Variants in CIT observed in about 807,000 individuals in gnomAD.
The protein encoded by CIT is citron Rho-interacting kinase.
Under a neutral mutation model 272.7 loss-of-function variants are expected in CIT, and 79 were observed. That is an observed-to-expected ratio of 0.29 (90% CI 0.24 to 0.35). CIT has a LOEUF of 0.35. Ranked by LOEUF, CIT falls within the 10% of genes least tolerant of loss-of-function variation. The pLI, the probability that CIT is intolerant of heterozygous loss-of-function variation, is 1.00. For synonymous variants in CIT, 948 were observed against 995.6 expected, an observed-to-expected ratio of 0.95 and a Z score of 0.90; for missense variants, 1,909 against 2,618.3, an observed-to-expected ratio of 0.73 and a Z score of 5.91.
intron 47 of CIT, 127 bp from the exon 48 acceptor site, chr12:119,688,382 G>A: frequency 2.2e-6 from 2 of 922,890 alleles, no homozygotes; most frequent in Non-Finnish European, 3.5e-6. Flanking sequence ...GTGAGTGCTT[G>A]GCAGGGCAGC....
At chr12:119,739,640 G>A (rs943190018) in intron 24 of CIT, among the ~76,000 whole-genome samples, 4 of 152,140 alleles carry the variant, frequency 2.6e-5, no homozygotes, top group Non-Finnish European at 5.9e-5. Context: ...CCAAACAAAA[G>A]ATTATATTAT....
chr12:119,791,524 C>T (rs1484653039), intron 10 of CIT, among the ~76,000 whole-genome samples: 4 of 152,124 alleles, frequency 2.6e-5, no homozygotes, highest in African/African-American at 9.7e-5. Context: ...CTGGGCTCGA[C>T]GAGATGCAGT....
In CIT at chr12:119,857,427, G is replaced by A. The variant is rs567227607; in HGVS notation, c.414+96C>T. The A allele has an allele frequency of 2.3e-4, 282 of 1,249,464 alleles. 1 individual carries two copies. Among genetic ancestry groups the A allele is most frequent in the Non-Finnish European group, 3.0e-4 (266 of 896,828 alleles). The allele number at this position is 1,249,464 out of a possible 1,614,324, so 77.4% of individuals were successfully genotyped here. The stretch of plus-strand genomic sequence containing the variant: ...TAAATATAGAGTCACAGAGGAAAAC[G>A]TGCTTGATCCTAGACGCCAGTGCAG... On this transcript the variant is annotated intron_variant, in intron 4 of 47. Coordinates refer to ENST00000392521, the MANE Select transcript of CIT (RefSeq NM_001206999.2).
At chr12:119,700,884 CACACATGGTGATGGA>C in intron 43 of CIT, 59 bp from the exon 44 acceptor site, 1 of 1,352,746 alleles carries the variant, frequency 7.4e-7, no homozygotes, top group South Asian at 1.2e-5. Context: ...GCATCAGCGA[CACACATGGTGATGGA>C]AGAATGAGGA....
chr12:119,874,743 G>A (rs978811994), intron 2 of CIT, among the ~76,000 whole-genome samples: 4 of 151,774 alleles, frequency 2.6e-5, no homozygotes, highest in Admixed American at 6.6e-5. Context: ...AAAATTAGCC[G>A]GGCGAGGTGA....
rs1318768937 is a variant in CIT at position 119,713,390 on chromosome 12, A to G, written c.4487+78T>C. The G allele has an allele frequency of 1.3e-6, 2 of 1,583,766 alleles. No individual in the cohort carries two copies. Among genetic ancestry groups the G allele is most frequent in the Admixed American group, 1.7e-5 (1 of 58,652 alleles). ...GGGGGTGGCAGAGTTCCTAGAAAAG[A>G]CACTTCCCTAGAAAACATCAGGGAC... On this transcript the variant is annotated intron_variant, in intron 34 of 47. Coordinates refer to ENST00000392521, the MANE Select transcript of CIT (RefSeq NM_001206999.2). The surrounding 1 kb of genome is among the most constrained non-coding windows in gnomAD (Gnocchi z 5.2).
chr12:119,843,821 A>G (rs1476599104), intron 5 of CIT, among the ~76,000 whole-genome samples: 1 of 151,862 alleles, frequency 6.6e-6, no homozygotes. Flanking sequence ...TAAATAAATA[A>G]TGTTCAACTG....
chr12:119,765,469 C>CT (rs34623472), intron 19 of CIT, among the ~76,000 whole-genome samples: 28,617 of 115,406 alleles, frequency 0.25, 4,331 homozygotes, highest in Middle Eastern at 0.3. Flanking sequence ...AAGAAACAGA[C>CT]TTTTTTTTTT....
intron 19 of CIT, among the ~76,000 whole-genome samples, chr12:119,762,817 TC>T (rs1961973350): frequency 6.6e-6 from 1 of 152,016 alleles, no homozygotes; most frequent in Non-Finnish European, 1.5e-5. Context: ...CGGGTGGAGA[TC>T]GCTTGGGGAC....
chr12:119,820,547 C>CA (rs1371199236), intron 9 of CIT, among the ~76,000 whole-genome samples: 1 of 151,858 alleles, frequency 6.6e-6, no homozygotes, highest in Non-Finnish European at 1.5e-5. Context: ...GACTGTGTCT[C>CA]AAAAAATAAA....
Position 119,712,684 on chromosome 12 carries a change from G to T in CIT, c.4591C>A (p.Pro1531Thr). 1 of 1,614,036 alleles carries T rather than the reference G, an allele frequency of 6.2e-7. No homozygotes were observed. The highest frequency in any genetic ancestry group is 1.3e-5 in the African/African-American group (1 of 75,038). The change falls in exon 36 of 48, where the codon CCG becomes ACG. Residue 1531 changes from proline to threonine, a missense_variant. Physicochemically the swap from Pro to Thr is conservative, Grantham distance 38. Transcript: ENST00000392521. This position sits in a 1 kb window ranked among gnomAD's most constrained non-coding sequence, Gnocchi z 5.2. ...AGGCACAGCTCAAATTCTTCCACCG[G>T]CCTCTGTCCAGCTTGGTGCAAAGAG... ...DNEAREAGQR[P>T]VEEFELCLPD...
rs1955593639 is a variant in CIT at position 119,686,649 on chromosome 12, T to C, written c.*1583A>G. The C allele has an allele frequency of 6.6e-6, 1 of 152,338 alleles. No individual in the cohort carries two copies. Among genetic ancestry groups the C allele is most frequent in the Non-Finnish European group, 1.5e-5 (1 of 68,122 alleles). The allele number at this position is 152,338 out of a possible 1,614,324, so 9.4% of individuals were successfully genotyped here. On this transcript the variant is annotated 3_prime_UTR_variant, in exon 48 of 48. Coordinates refer to ENST00000392521, the MANE Select transcript of CIT (RefSeq NM_001206999.2). ...CCTTTGAGCCTACCTAGGAGGTGCC[T>C]GGGTTGTTGAGGCGGGCCTAAGAGT...
intron 4 of CIT, 99 bp from the exon 5 acceptor site, chr12:119,850,374 T>TAAA (rs1359087484): frequency 9.9e-6 from 3 of 302,744 alleles, no homozygotes; most frequent in East Asian, 1.6e-4. Flanking sequence ...GTTTCTAGCT[T>TAAA]TAAAAAAAAA....
At chr12:119,786,390 GAA>G (rs1964801707) in intron 10 of CIT, among the ~76,000 whole-genome samples, 1 of 152,232 alleles carries the variant, frequency 6.6e-6, no homozygotes, top group Admixed American at 6.5e-5. Flanking sequence ...ACTGTGCCCA[GAA>G]GCAGTTAATT....
At chr12:119,839,247 A>G (rs1453137529) in intron 5 of CIT, among the ~76,000 whole-genome samples, 1 of 152,224 alleles carries the variant, frequency 6.6e-6, no homozygotes, top group Non-Finnish European at 1.5e-5. Flanking sequence ...GTGCACACAC[A>G]CATATACAAT....
chr12:119,726,158 A>G (rs1958089100), intron 28 of CIT, among the ~76,000 whole-genome samples: 1 of 152,092 alleles, frequency 6.6e-6, no homozygotes, highest in South Asian at 2.1e-4. Context: ...GTTATTGTGT[A>G]ACCACCACCA....
chr12:119,775,209 G>T (rs1464249976), intron 16 of CIT, among the ~76,000 whole-genome samples: 3 of 152,160 alleles, frequency 2.0e-5, no homozygotes, highest in African/African-American at 7.2e-5. Context: ...GGAGGCGGAG[G>T]TTGCAGTGAG....
chr12:119,833,663 CAAAAAAAAAAAA>C (rs35433156), intron 6 of CIT, among the ~76,000 whole-genome samples: 2 of 83,812 alleles, frequency 2.4e-5, no homozygotes, highest in East Asian at 6.7e-4. Flanking sequence ...GACTCTGTCT[CAAAAAAAAAAAA>C]AAAAAAAAAA....
intron 30 of CIT, among the ~76,000 whole-genome samples, chr12:119,719,333 G>A (rs1957712847): frequency 6.6e-6 from 1 of 151,044 alleles, no homozygotes; most frequent in Non-Finnish European, 1.5e-5. Context: ...TCAAAACAAG[G>A]GGCTTACTCA....
Sources: gnomAD v4.1 joint callset for allele counts (sites outside exome capture counted in the v4.1 genomes callset) on GRCh38, gnomAD v4.1.1 for gene constraint, Gnocchi (gnomAD v3.1) non-coding constraint, MANE v1.5 for transcripts, NCBI Gene and HGNC (gene_info 2026-07-23, HGNC 2026-07-21) for gene names.